Variants in STK32B observed in about 807,000 individuals in gnomAD.
STK32B encodes serine/threonine kinase 32B, also known as serine/threonine-protein kinase 32B.
Under a neutral mutation model 52.6 loss-of-function variants are expected in STK32B, and 43 were observed. The ratio of observed to expected loss-of-function variants is 0.82; its 90% CI spans 0.64 to 1.05. The LOEUF is 1.05. STK32B is among the 50% of genes least tolerant of loss of function. The pLI, the probability that STK32B is intolerant of heterozygous loss-of-function variation, is 0.00. For synonymous variants in STK32B, 238 were observed against 204.3 expected (o/e 1.17, Z -1.41); for missense variants, 621 against 534.6 (o/e 1.16, Z -1.59).
chr4:5,330,055 C>G (rs985008957), intron 3 of STK32B, among the ~76,000 whole-genome samples: 1 of 152,166 alleles, frequency 6.6e-6, no homozygotes, highest in Non-Finnish European at 1.5e-5. Context: ...CAGGACACTG[C>G]AGCGAGTGAG....
chr4:5,290,552 T>A (rs1395569547), intron 3 of STK32B, among the ~76,000 whole-genome samples: 1 of 152,178 alleles, frequency 6.6e-6, no homozygotes, highest in Non-Finnish European at 1.5e-5. Context: ...GTACATGCAG[T>A]CCATTGTTGA....
intron 1 of STK32B, among the ~76,000 whole-genome samples, chr4:5,078,108 C>T (rs7677493): frequency 0.15 from 23,333 of 151,984 alleles, 2,163 homozygotes; most frequent in Non-Finnish European, 0.21. Context: ...GCAGGAAGAG[C>T]GTAAAGGAGG....
chr4:5,286,757 A>G (rs985467340), intron 3 of STK32B, among the ~76,000 whole-genome samples: 9 of 150,906 alleles, frequency 6.0e-5, no homozygotes, highest in African/African-American at 2.2e-4. Context: ...TTTGCTATGA[A>G]CATTTTTGCA....
chr4:5,098,934 G>T (rs965622087), intron 1 of STK32B, among the ~76,000 whole-genome samples: 14 of 152,332 alleles, frequency 9.2e-5, no homozygotes, highest in African/African-American at 3.4e-4. Context: ...TCCTATTGCT[G>T]CCATAACAAA....
intron 1 of STK32B, among the ~76,000 whole-genome samples, chr4:5,105,471 C>G (rs570964315): frequency 6.6e-6 from 1 of 152,288 alleles, no homozygotes; most frequent in East Asian, 1.9e-4. Flanking sequence ...GGAGTCCTCT[C>G]TATACTCTGG....
chr4:5,380,306 C>A lies in STK32B; in HGVS notation c.435-17901C>A, dbSNP rs1050378715. 2.6e-5 allele frequency among the ~76,000 whole-genome samples: 4 copies of A among 152,136 alleles called. No individual in the cohort carries two copies. Among genetic ancestry groups the A allele is most frequent in the Non-Finnish European group, 5.9e-5 (4 of 68,026 alleles). On this transcript the variant is annotated intron_variant, in intron 4 of 11. Transcript: ENST00000282908. This position sits in a 1 kb window ranked among gnomAD's most constrained non-coding sequence, Gnocchi z 4.3. ...ATCTATTTAATCCAGGCCCTCGCTTCCCTCCCAGCCCTCCTCCCGAATCTC... is the reference window on the plus strand; with the variant it reads ...ATCTATTTAATCCAGGCCCTCGCTTACCTCCCAGCCCTCCTCCCGAATCTC...
At chr4:5,192,172 GC>G (rs1484826426) in intron 3 of STK32B, among the ~76,000 whole-genome samples, 2 of 152,214 alleles carry the variant, frequency 1.3e-5, no homozygotes, top group Non-Finnish European at 2.9e-5. Flanking sequence ...GGATCACATT[GC>G]AAGGTCCTGA....
intron 3 of STK32B, among the ~76,000 whole-genome samples, chr4:5,328,631 T>A (rs1200840934): frequency 6.6e-6 from 1 of 152,214 alleles, no homozygotes; most frequent in African/African-American, 2.4e-5. Context: ...TCAAAGACCA[T>A]TTATCATAGA....
intron 4 of STK32B, among the ~76,000 whole-genome samples, chr4:5,342,854 C>G (rs572498140): frequency 3.9e-5 from 6 of 152,118 alleles, no homozygotes; most frequent in Non-Finnish European, 4.4e-5. Context: ...AAAGTAAGAG[C>G]CTACCTTACT....
intron 1 of STK32B, among the ~76,000 whole-genome samples, chr4:5,062,345 T>C (rs773653352): frequency 1.3e-5 from 2 of 152,202 alleles, no homozygotes; most frequent in Non-Finnish European, 2.9e-5. Context: ...TAACTGTAAG[T>C]TGTGTCTTTT....
At chr4:5,444,818 A>G (rs919794351) in intron 6 of STK32B, among the ~76,000 whole-genome samples, 1 of 152,220 alleles carries the variant, frequency 6.6e-6, no homozygotes, top group African/African-American at 2.4e-5. Context: ...TGAGGCAGAG[A>G]GAAGGTAAGT....
chr4:5,039,974 C>T, the STK32B span, among the ~76,000 whole-genome samples: 15 of 152,204 alleles, frequency 9.9e-5, no homozygotes, highest in Admixed American at 9.2e-4. Flanking sequence ...TACATGAGGA[C>T]GTCCCACACC....
intron 3 of STK32B, among the ~76,000 whole-genome samples, chr4:5,285,362 A>C (rs1416661183): frequency 6.6e-6 from 1 of 152,142 alleles, no homozygotes; most frequent in East Asian, 1.9e-4. Context: ...AATAGTTATA[A>C]ACATTCTGAA....
intron 1 of STK32B, among the ~76,000 whole-genome samples, chr4:5,080,103 G>GGTCT (rs1442467871): frequency 6.6e-6 from 1 of 151,904 alleles, no homozygotes; most frequent in Non-Finnish European, 1.5e-5. Flanking sequence ...CAGAAGCCAG[G>GGTCT]GTCTTCTCAT....
intron 3 of STK32B, among the ~76,000 whole-genome samples, chr4:5,322,310 G>A (rs977973259): frequency 5.3e-5 from 8 of 152,158 alleles, no homozygotes; most frequent in African/African-American, 9.7e-5. Flanking sequence ...TCTGTAGCGT[G>A]TGAGGCTATT....
At chr4:5,234,903 C>T (rs937180526) in intron 3 of STK32B, among the ~76,000 whole-genome samples, 1 of 152,214 alleles carries the variant, frequency 6.6e-6, no homozygotes, top group African/African-American at 2.4e-5. Flanking sequence ...ACTTTCAGCC[C>T]ACAGGTTGAA....
At chr4:5,461,492 G>A (rs2109153212) in intron 9 of STK32B, among the ~76,000 whole-genome samples, 1 of 152,286 alleles carries the variant, frequency 6.6e-6, no homozygotes, top group Admixed American at 6.5e-5. Flanking sequence ...CACAAACCGT[G>A]GTAGCAGCGC....
At chr4:5,300,951 ACCT>A (rs138606878) in intron 3 of STK32B, among the ~76,000 whole-genome samples, 3,610 of 152,140 alleles carry the variant, frequency 0.024, 142 homozygotes, top group African/African-American at 0.082. Context: ...TTAGGGGGAC[ACCT>A]CCTTCTATTC....
intron 3 of STK32B, among the ~76,000 whole-genome samples, chr4:5,212,439 T>C (rs541356313): frequency 1.3e-5 from 2 of 152,306 alleles, no homozygotes; most frequent in South Asian, 4.2e-4. Flanking sequence ...ATGTAAGTCA[T>C]GACTTTCTGC....
Sources: gnomAD v4.1 joint callset for allele counts (sites outside exome capture counted in the v4.1 genomes callset) on GRCh38, gnomAD v4.1.1 for gene constraint, Gnocchi (gnomAD v3.1) non-coding constraint, MANE v1.5 for transcripts, NCBI Gene and HGNC (gene_info 2026-07-23, HGNC 2026-07-21) for gene names.